UMODL1: variants seen among roughly 807,000 people sequenced by gnomAD.
UMODL1 encodes uromodulin like 1, also known as uromodulin-like 1.
A neutral mutation model predicts 136.3 loss-of-function variants in UMODL1; 128 were observed. The observed-to-expected ratio is 0.94, with a 90% confidence interval of 0.81 to 1.09. The LOEUF is 1.09. UMODL1 is among the 50% of genes least tolerant of loss of function. UMODL1 has a pLI of 0.00. For synonymous variants in UMODL1, 721 were observed against 720.0 expected, an observed-to-expected ratio of 1.00 and a Z score of -0.02; for missense variants, 1,766 against 1,725.6, an observed-to-expected ratio of 1.02 and a Z score of -0.41.
chr21:42,111,373 C>T (rs1275851866), intron 11 of UMODL1, 133 bp from the exon 12 acceptor site: 1 of 1,610,906 alleles, frequency 6.2e-7, no homozygotes, highest in Non-Finnish European at 8.5e-7. Context: ...GCCAGGGGAG[C>T]ACCAGCCAGG....
intron 1 of UMODL1, among the ~76,000 whole-genome samples, chr21:42,065,759 G>C (rs2066178250): frequency 6.6e-6 from 1 of 151,982 alleles, no homozygotes; most frequent in Non-Finnish European, 1.5e-5. Flanking sequence ...GCCTCGATCT[G>C]CTGACCTTGT....
At chr21:42,068,412 G>A (rs1569135726), upstream of UMODL1, among the ~76,000 whole-genome samples, 2 of 152,100 alleles carry the variant, frequency 1.3e-5, no homozygotes, top group African/African-American at 4.8e-5. The surrounding 1 kb of genome is among the most constrained non-coding windows in gnomAD (Gnocchi z 5.5). Flanking sequence ...AGTCACCGCC[G>A]CTGTCAGAGA....
intron 15 of UMODL1, chr21:42,120,886 C>T (rs889912257): frequency 5.3e-6 from 3 of 565,288 alleles, no homozygotes; most frequent in Non-Finnish European, 9.0e-6. Context: ...CCAGAACAGC[C>T]CCTGCAGACA....
intron 6 of UMODL1, among the ~76,000 whole-genome samples, chr21:42,092,126 C>T (rs900876056): frequency 1.3e-5 from 2 of 152,146 alleles, no homozygotes; most frequent in African/African-American, 2.4e-5. Flanking sequence ...TACGGGGATC[C>T]GGTGCAGACT....
At chr21:42,114,297 A>C (rs2066876318) in intron 13 of UMODL1, among the ~76,000 whole-genome samples, 1 of 152,262 alleles carries the variant, frequency 6.6e-6, no homozygotes, top group Non-Finnish European at 1.5e-5. Flanking sequence ...AGAATTGAGC[A>C]ATAATGAATC....
chr21:42,113,939 A>C, intron 13 of UMODL1, 109 bp downstream of exon 13: 1 of 1,422,136 alleles, frequency 7.0e-7, no homozygotes, highest in Non-Finnish European at 9.4e-7. Context: ...GCTAGGTGTC[A>C]TTGTTCTTCT....
intron 21 of UMODL1, among the ~76,000 whole-genome samples, chr21:42,136,049 A>G (rs2067201084): frequency 6.6e-6 from 1 of 152,138 alleles, no homozygotes; most frequent in African/African-American, 2.4e-5. Context: ...TGGGTGGTGC[A>G]GGATGTGGCT....
chr21:42,125,870 G>A (rs941509149), intron 17 of UMODL1, among the ~76,000 whole-genome samples: 2 of 152,320 alleles, frequency 1.3e-5, no homozygotes, highest in Non-Finnish European at 2.9e-5. Context: ...GAGAGACAGC[G>A]CCTCCCAGGA....
intron 7 of UMODL1, among the ~76,000 whole-genome samples, chr21:42,101,207 G>A (rs911618138): frequency 3.3e-5 from 5 of 151,980 alleles, no homozygotes; most frequent in East Asian, 1.9e-4. Flanking sequence ...CAGGTGTTAC[G>A]GTGGCAGCGG....
chr21:42,105,198 C>G (rs1247400601), intron 9 of UMODL1, among the ~76,000 whole-genome samples: 1 of 152,230 alleles, frequency 6.6e-6, no homozygotes, highest in Non-Finnish European at 1.5e-5. Flanking sequence ...ACAGTGGCCC[C>G]TGTACCTGGT....
chr21:42,095,517 T>C (rs979433587), intron 6 of UMODL1, among the ~76,000 whole-genome samples: 50 of 152,116 alleles, frequency 3.3e-4, no homozygotes, highest in Non-Finnish European at 5.4e-4. Context: ...ATAAGGACAC[T>C]TGTGATTGCA....
At chr21:42,128,149 A>T in intron 20 of UMODL1, 1 of 450,198 alleles carries the variant, frequency 2.2e-6, no homozygotes, top group Non-Finnish European at 4.2e-6. Flanking sequence ...TTCTAAGGTG[A>T]TTTATAGGTG....
At chr21:42,106,638 G>A (rs561808413) in intron 9 of UMODL1, among the ~76,000 whole-genome samples, 2 of 152,318 alleles carry the variant, frequency 1.3e-5, no homozygotes, top group South Asian at 2.1e-4. Flanking sequence ...CAGGAGGTAC[G>A]TACCATGTGC....
intron 8 of UMODL1, 148 bp from the exon 9 acceptor site, chr21:42,103,720 G>C (rs759222558): frequency 6.5e-6 from 6 of 921,646 alleles, no homozygotes; most frequent in South Asian, 4.2e-5. Flanking sequence ...ACTTCTCTGC[G>C]TGCTCTGAGA....
rs758945951 is a variant in UMODL1 at position 42,111,163 on chromosome 21, C to T, written c.1899+42C>T. On this transcript the variant is annotated intron_variant, in intron 11 of 22. Coordinates refer to ENST00000408910, the MANE Select transcript of UMODL1 (RefSeq NM_001004416.3). ...CGGGTCTGGGGATGGACCAGGGGAGCCCCAGCCAGGTGAACCCCAGCCAGG... is the reference window on the plus strand; with the variant it reads ...CGGGTCTGGGGATGGACCAGGGGAGTCCCAGCCAGGTGAACCCCAGCCAGG... 3.2e-6 allele frequency: 5 copies of T among 1,584,330 alleles called. No individual in the cohort carries two copies. In the East Asian group the frequency reaches 6.9e-5, roughly 22 times the overall value.
At chr21:42,066,389 T>C (rs1306647688), upstream of UMODL1, among the ~76,000 whole-genome samples, 1 of 152,204 alleles carries the variant, frequency 6.6e-6, no homozygotes, top group South Asian at 2.1e-4. Flanking sequence ...TTCAAGCAAT[T>C]CTCCTGCCTC....
intron 15 of UMODL1, among the ~76,000 whole-genome samples, chr21:42,119,948 CA>C (rs541608232): frequency 6.6e-6 from 1 of 151,964 alleles, no homozygotes; most frequent in African/African-American, 2.4e-5. Context: ...GCAAAGTAAA[CA>C]AAAAATTTTT....
At chr21:42,110,419 G>A (rs1264602769) in intron 10 of UMODL1, among the ~76,000 whole-genome samples, 3 of 152,222 alleles carry the variant, frequency 2.0e-5, no homozygotes, top group Non-Finnish European at 2.9e-5. Context: ...TGCGTGTGCT[G>A]TCCTGCTTCC....
rs760796347 is a variant in UMODL1, at chr21:42,085,108, G to A, written c.482-183G>A. Reference sequence around the variant, plus strand: ...CAGGGACATTAGGATGGAGAGGAGCGAGGGGCGGGCAGTGAGGACATCCCC... The same window carrying A: ...CAGGGACATTAGGATGGAGAGGAGCAAGGGGCGGGCAGTGAGGACATCCCC... On this transcript the variant is annotated intron_variant, in intron 3 of 22. Coordinates refer to ENST00000408910, the MANE Select transcript of UMODL1 (RefSeq NM_001004416.3). The surrounding 1 kb of genome is among the most constrained non-coding windows in gnomAD (Gnocchi z 4.5). Among the ~76,000 whole-genome samples, 7 of 152,034 alleles carry A rather than the reference G, an allele frequency of 4.6e-5. No homozygotes were observed. The highest frequency in any genetic ancestry group is 5.9e-5 in the Non-Finnish European group (4 of 68,012).
Sources: allele counts gnomAD v4.1 joint callset (sites outside exome capture counted in the v4.1 genomes callset), GRCh38; gene constraint gnomAD v4.1.1; non-coding constraint Gnocchi (gnomAD v3.1); transcripts MANE v1.5; gene names NCBI Gene and HGNC (gene_info 2026-07-23, HGNC 2026-07-21).